Variants in USP28 observed in about 807,000 individuals in gnomAD.
USP28 encodes the protein ubiquitin carboxyl-terminal hydrolase 28.
USP28 carries 113 observed loss-of-function variants against 145.0 expected under a neutral mutation model. The ratio of observed to expected loss-of-function variants is 0.78; its 90% CI spans 0.67 to 0.91. The LOEUF is 0.91. Ranked by LOEUF, USP28 falls within the 40% of genes least tolerant of loss-of-function variation. The pLI is 0.00. For synonymous variants in USP28, 447 were observed against 450.9 expected (o/e 0.99, Z 0.11); for missense variants, 1,201 against 1,289.6 (o/e 0.93, Z 1.05).
chr11:113,834,346 G>A lies in USP28; in HGVS notation c.535-11C>T. 6.3e-7 allele frequency: 1 copy of A among 1,587,272 alleles called. No individual in the cohort carries two copies. ...CAATTGAAAGAGAGACTGAAATAAA[G>A]AAAGAAAGGGATTCATAGCCTTTCC... On this transcript the variant is annotated splice_polypyrimidine_tract_variant and intron_variant, in intron 5 of 24. Coordinates refer to ENST00000003302, the Ensembl canonical transcript of USP28.
intron 14 of USP28, 117 bp downstream of exon 14, chr11:113,815,057 G>C (rs977566381): frequency 3.3e-6 from 3 of 900,218 alleles, no homozygotes; most frequent in Non-Finnish European, 5.0e-6. Context: ...ATCTCGGCGG[G>C]GGGGAAATTC....
chr11:113,809,158 T>C lies in USP28; in HGVS notation c.2069A>G (p.Gln690Arg), dbSNP rs1940545226. The change falls in exon 17 of 25, where the codon CAG becomes CGG. Residue 690 changes from glutamine (Q) to arginine (R), a missense_variant. Coordinates refer to ENST00000003302, the Ensembl canonical transcript of USP28. ...CTCTTCTTCCCACTCCTCTACTTCC[T>C]GCTCAAACCGCCAGTTATCCTCCTG... 8.7e-6 allele frequency: 14 copies of C among 1,614,234 alleles called. No homozygotes were observed. The highest frequency in any genetic ancestry group is 1.2e-5 in the Non-Finnish European group (14 of 1,180,038).
chr11:113,840,358 T>C (rs1296722841), intron 5 of USP28, among the ~76,000 whole-genome samples: 2 of 152,162 alleles, frequency 1.3e-5, no homozygotes, highest in African/African-American at 2.4e-5. Context: ...TATAATATAG[T>C]ATCCACTAAA....
At chr11:113,867,518 C>A (rs1365169852) in intron 1 of USP28, among the ~76,000 whole-genome samples, 2 of 151,682 alleles carry the variant, frequency 1.3e-5, no homozygotes, top group Non-Finnish European at 2.9e-5. Flanking sequence ...CCACCTCACC[C>A]AGCCCCACTT....
chr11:113,849,015 G>C (rs1946172014), intron 3 of USP28, among the ~76,000 whole-genome samples: 1 of 152,136 alleles, frequency 6.6e-6, no homozygotes, highest in Admixed American at 6.6e-5. Context: ...CTATAATTGA[G>C]GACATAAAAT....
chr11:113,862,399 G>C (rs1007855589), intron 1 of USP28, among the ~76,000 whole-genome samples: 12 of 152,190 alleles, frequency 7.9e-5, no homozygotes, highest in Non-Finnish European at 1.8e-4. Context: ...GGATTACAAA[G>C]GGTTCTAAAT....
At position 113,858,346 on chromosome 11, in the gene USP28, T is replaced by G. The variant is rs114617261; in HGVS notation, c.58-4011A>C. The stretch of plus-strand genomic sequence containing the variant: ...ACCTTTTCTCCTCTCAGTTCCTTAC[T>G]GCAAACTCATTCTCTCATGCATAGA... On this transcript the variant is annotated intron_variant, in intron 1 of 24. Coordinates refer to ENST00000003302, the Ensembl canonical transcript of USP28. 3.5e-3 allele frequency among the ~76,000 whole-genome samples: 538 copies of G among 152,362 alleles called. 1 individual carries two copies. Among genetic ancestry groups the G allele is most frequent in the African/African-American group, 0.013 (523 of 41,586 alleles).
intron 3 of USP28, among the ~76,000 whole-genome samples, chr11:113,844,362 G>A (rs760390661): frequency 2.6e-5 from 4 of 151,926 alleles, no homozygotes; most frequent in African/African-American, 4.8e-5. Flanking sequence ...GCTTGAACCC[G>A]GGAGCCGGGA....
At chr11:113,857,473 T>A (rs1436265469) in intron 1 of USP28, among the ~76,000 whole-genome samples, 1 of 152,190 alleles carries the variant, frequency 6.6e-6, no homozygotes, top group Non-Finnish European at 1.5e-5. Flanking sequence ...TTAATCTCAA[T>A]GTTGAATCAC....
chr11:113,834,711 C>T (rs1402581985), intron 5 of USP28, among the ~76,000 whole-genome samples: 3 of 151,944 alleles, frequency 2.0e-5, no homozygotes, highest in African/African-American at 7.3e-5. Context: ...AGCCACCAAG[C>T]CCAGCCAAAA....
chr11:113,845,729 C>CAG (rs1945760497), intron 3 of USP28, among the ~76,000 whole-genome samples: 1 of 152,162 alleles, frequency 6.6e-6, no homozygotes, highest in African/African-American at 2.4e-5. Flanking sequence ...CATACACCAT[C>CAG]ACACCTGGCT....
At chr11:113,831,035 C>T in intron 8 of USP28, 92 bp from the exon 9 acceptor site, 1 of 1,304,548 alleles carries the variant, frequency 7.7e-7, no homozygotes, top group Non-Finnish European at 1.1e-6. Flanking sequence ...AAAAATAGTG[C>T]ATTTTCATCA....
At chr11:113,835,457 G>A (rs1027443640) in intron 5 of USP28, 8 of 411,670 alleles carry the variant, frequency 1.9e-5, no homozygotes, top group Admixed American at 1.1e-4. Flanking sequence ...TAGAGCCCAC[G>A]TGCACCTCTC....
chr11:113,875,553 G>A (rs1949308462), exon 1 of USP28: 4 of 1,124,468 alleles, frequency 3.6e-6, no homozygotes, highest in Admixed American at 9.9e-5. Context: ...GCCGCCGCCG[G>A]CCCAGCCTCT....
At chr11:113,799,755 G>A (rs982044433) in intron 24 of USP28, among the ~76,000 whole-genome samples, 1 of 152,112 alleles carries the variant, frequency 6.6e-6, no homozygotes, top group Non-Finnish European at 1.5e-5. Flanking sequence ...GTATACACAT[G>A]GTTTTAAATC....
chr11:113,836,688 C>T (rs1431112593), intron 5 of USP28, among the ~76,000 whole-genome samples: 1 of 152,164 alleles, frequency 6.6e-6, no homozygotes, highest in Non-Finnish European at 1.5e-5. Flanking sequence ...GTCACCATCA[C>T]TCTTCATGGA....
At chr11:113,836,883 C>G (rs950435803) in intron 5 of USP28, among the ~76,000 whole-genome samples, 7 of 152,200 alleles carry the variant, frequency 4.6e-5, no homozygotes, top group Non-Finnish European at 7.3e-5. Flanking sequence ...AGCATCCAGC[C>G]ACTTGGACTC....
At position 113,804,747 on chromosome 11, in the gene USP28, T is replaced by C. The variant is rs763087433; in HGVS notation, c.2584A>G (p.Ile862Val). The C allele has an allele frequency of 5.7e-5, 92 of 1,614,106 alleles. No individual in the cohort carries two copies. The highest frequency in any genetic ancestry group is 7.1e-5 in the Non-Finnish European group (84 of 1,180,042). The stretch of plus-strand genomic sequence containing the variant: ...GCTTGAGCCACCTTCATAATGCTGA[T>C]TGATCTGTGTGGGACAAAGTTCAGA... Residue 862 changes from isoleucine (I) to valine (V), a missense_variant, in exon 21 of 25, where the codon ATC (isoleucine) becomes GTC (valine). Physicochemically the swap from Ile to Val is conservative, Grantham distance 29. Coordinates refer to ENST00000003302, the Ensembl canonical transcript of USP28.
rs769232539 is a variant in USP28, at chr11:113,827,336, C to A, written c.1084G>T (p.Val362Leu). The A allele has an allele frequency of 6.2e-6, 10 of 1,603,996 alleles. No individual in the cohort carries two copies. The East Asian group carries it at 1.1e-4, about 18-fold the overall frequency. Residue 362 changes from valine to leucine, a missense_variant, in exon 11 of 25, where the codon GTG becomes TTG. By Grantham distance (32) the Val-to-Leu change is conservative. Transcript: ENST00000003302. ...AATCTTGAGAGTTCAAAGGTCAACA[C>A]TGGAGGTAGCTTTGTAAACCAACGC...
Sources: gnomAD v4.1 joint callset for allele counts (sites outside exome capture counted in the v4.1 genomes callset) on GRCh38, gnomAD v4.1.1 for gene constraint, MANE v1.5 for transcripts, NCBI Gene and HGNC (gene_info 2026-07-23, HGNC 2026-07-21) for gene names.